HCN1: variants seen among roughly 807,000 people sequenced by gnomAD.
HCN1 encodes hyperpolarization activated cyclic nucleotide gated potassium channel 1.
In HCN1, 13 loss-of-function variants were observed where a neutral mutation model predicts 78.9. The ratio of observed to expected loss-of-function variants is 0.16; its 90% CI spans 0.11 to 0.26. The LOEUF is 0.26. Among genes scored for constraint, HCN1 ranks in the 10% least tolerant of loss-of-function variants. HCN1 has a pLI of 1.00. For missense variants in HCN1, 810 were observed against 1,154.3 expected, an observed-to-expected ratio of 0.70 and a Z score of 4.32; for synonymous variants, 552 against 455.5, an observed-to-expected ratio of 1.21 and a Z score of -2.70.
intron 4 of HCN1, among the ~76,000 whole-genome samples, chr5:45,354,031 C>T (rs562821781): frequency 3.3e-5 from 5 of 151,800 alleles, no homozygotes; most frequent in Admixed American, 6.6e-5. Context: ...CACACATGCG[C>T]GTGCACACAC....
rs571550656 is a variant in HCN1 at position 45,322,296 on chromosome 5, T to C, written c.1378-18457A>G. On this transcript the variant is annotated intron_variant, in intron 5 of 7. Coordinates refer to ENST00000303230, the MANE Select transcript of HCN1 (RefSeq NM_021072.4). ...AGGTGAATACTGTGTTTGTGTGTTA[T>C]GTGAAACAGATGGCAGCTTTTCTTA... is the stretch of plus-strand genomic sequence containing the variant. 1.8e-4 allele frequency among the ~76,000 whole-genome samples: 27 copies of C among 152,008 alleles called. 1 individual carries two copies. Among genetic ancestry groups the C allele is most frequent in the African/African-American group, 6.5e-4 (27 of 41,542 alleles).
At chr5:45,348,255 C>G (rs1465834924) in intron 5 of HCN1, among the ~76,000 whole-genome samples, 1 of 152,138 alleles carries the variant, frequency 6.6e-6, no homozygotes, top group Non-Finnish European at 1.5e-5. Flanking sequence ...AATTTCATAT[C>G]CAGCCAAGCT....
At chr5:45,385,911 A>C (rs1476681679) in intron 4 of HCN1, among the ~76,000 whole-genome samples, 1 of 152,186 alleles carries the variant, frequency 6.6e-6, no homozygotes, top group Non-Finnish European at 1.5e-5. Context: ...TGGATTCTCC[A>C]GGACCAGCTT....
intron 3 of HCN1, among the ~76,000 whole-genome samples, chr5:45,431,071 A>G (rs1255741036): frequency 6.6e-6 from 1 of 152,166 alleles, no homozygotes; most frequent in African/African-American, 2.4e-5. Context: ...GTGTATAAGC[A>G]TTCTCTTTTC....
Position 45,261,781 on chromosome 5 carries a change from T to C in HCN1, c.*140A>G. On this transcript the variant is annotated 3_prime_UTR_variant, in exon 8 of 8. Coordinates refer to ENST00000303230, the MANE Select transcript of HCN1 (RefSeq NM_021072.4). ...TAGTATATGTATATATATTTTTACA[T>C]TTCACGTGTAGGCCACAGCTGTCTA... 1 of 1,013,068 alleles carries C rather than the reference T, an allele frequency of 9.9e-7. No individual in the cohort carries two copies. Among genetic ancestry groups the C allele is most frequent in the Non-Finnish European group, 1.5e-6 (1 of 658,156 alleles). The allele number at this position is 1,013,068 out of a possible 1,614,324, so 62.8% of individuals were successfully genotyped here. A position where few individuals can be genotyped will look rare whatever the true frequency, so the allele number is the denominator to read the frequency against.
intron 2 of HCN1, among the ~76,000 whole-genome samples, chr5:45,564,783 AAAG>A (rs1743674161): frequency 6.6e-6 from 1 of 152,194 alleles, no homozygotes; most frequent in African/African-American, 2.4e-5. Context: ...AATCGCAAAT[AAAG>A]AAGGAGTAGC....
intron 1 of HCN1, among the ~76,000 whole-genome samples, chr5:45,686,795 C>G (rs958433755): frequency 2.6e-5 from 4 of 152,136 alleles, no homozygotes; most frequent in Non-Finnish European, 5.9e-5. Flanking sequence ...GAAGGCCTTC[C>G]TCCAGAACGC....
chr5:45,681,602 C>T (rs116320044), intron 1 of HCN1, among the ~76,000 whole-genome samples: 1 of 151,646 alleles, frequency 6.6e-6, no homozygotes. Flanking sequence ...TAAAAAAATC[C>T]TTTTTCAAAA....
At chr5:45,345,002 A>G (rs898592389) in intron 5 of HCN1, among the ~76,000 whole-genome samples, 9 of 152,174 alleles carry the variant, frequency 5.9e-5, no homozygotes, top group African/African-American at 2.2e-4. Flanking sequence ...TCCCTGCAGC[A>G]AACTTCTGCC....
At chr5:45,415,123 A>T in intron 3 of HCN1, among the ~76,000 whole-genome samples, 1 of 152,050 alleles carries the variant, frequency 6.6e-6, no homozygotes, top group East Asian at 1.9e-4. Context: ...TTCTAGGACT[A>T]CATAAGACTT....
At chr5:45,444,476 A>G (rs1344873578) in intron 3 of HCN1, among the ~76,000 whole-genome samples, 1 of 152,166 alleles carries the variant, frequency 6.6e-6, no homozygotes, top group Non-Finnish European at 1.5e-5. Flanking sequence ...TAAAATGAGC[A>G]GTATTTCAAT....
chr5:45,556,171 C>T (rs973796045), intron 2 of HCN1, among the ~76,000 whole-genome samples: 5 of 151,816 alleles, frequency 3.3e-5, no homozygotes, highest in African/African-American at 1.2e-4. Context: ...GAGTAATACC[C>T]CATAAGCACA....
At chr5:45,583,456 T>C (rs1336300421) in intron 2 of HCN1, among the ~76,000 whole-genome samples, 2 of 152,230 alleles carry the variant, frequency 1.3e-5, no homozygotes, top group East Asian at 1.9e-4. Context: ...ATCAGTTTTG[T>C]TGATCTTTTC....
intron 6 of HCN1, among the ~76,000 whole-genome samples, chr5:45,300,559 T>A (rs1745592955): frequency 6.6e-6 from 1 of 152,102 alleles, no homozygotes; most frequent in East Asian, 1.9e-4. Context: ...GAATACAGTA[T>A]CTAATATATA....
chr5:45,534,910 A>G (rs990795768), intron 2 of HCN1, among the ~76,000 whole-genome samples: 2 of 152,244 alleles, frequency 1.3e-5, no homozygotes, highest in Non-Finnish European at 2.9e-5. Context: ...TGAAAAACCA[A>G]TTTAAGAATA....
chr5:45,461,830 A>G lies in HCN1; in HGVS notation c.1011+16T>C, dbSNP rs1579910171. On this transcript the variant is annotated intron_variant, in intron 3 of 7. Coordinates refer to ENST00000303230, the MANE Select transcript of HCN1 (RefSeq NM_021072.4). ...ACGTTGAAAAGTCAGAGTGTAAAATAACAGAATTTACTTACAACCATTTCA... is the reference window on the plus strand; with the variant it reads ...ACGTTGAAAAGTCAGAGTGTAAAATGACAGAATTTACTTACAACCATTTCA... 6.2e-7 allele frequency: 1 copy of G among 1,609,182 alleles called. No individual in the cohort carries two copies. Among genetic ancestry groups the G allele is most frequent in the African/African-American group, 1.3e-5 (1 of 74,914 alleles).
intron 6 of HCN1, among the ~76,000 whole-genome samples, chr5:45,280,040 T>C (rs900488616): frequency 6.6e-6 from 1 of 152,108 alleles, no homozygotes; most frequent in Non-Finnish European, 1.5e-5. Context: ...TAATTTATTA[T>C]AATACCATAT....
chr5:45,600,903 A>C (rs1186577804), intron 2 of HCN1, among the ~76,000 whole-genome samples: 1 of 152,088 alleles, frequency 6.6e-6, no homozygotes, highest in African/African-American at 2.4e-5. Context: ...AATAGCAAAA[A>C]CTGTTGTCTG....
At chr5:45,447,451 C>T (rs1432927862) in intron 3 of HCN1, among the ~76,000 whole-genome samples, 3 of 152,152 alleles carry the variant, frequency 2.0e-5, no homozygotes, top group Non-Finnish European at 4.4e-5. Context: ...CTATATTGCC[C>T]AGCCTGGTCT....
Sources: allele counts gnomAD v4.1 joint callset (sites outside exome capture counted in the v4.1 genomes callset), GRCh38; gene constraint gnomAD v4.1.1; transcripts MANE v1.5; gene names NCBI Gene and HGNC (gene_info 2026-07-23, HGNC 2026-07-21).